Variants in ZNF536 observed in about 807,000 individuals in gnomAD.
ZNF536 encodes zinc finger protein 536.
ZNF536 carries 13 observed loss-of-function variants against 84.5 expected under a neutral mutation model. The observed-to-expected ratio is 0.15, with a 90% CI of 0.10 to 0.24. ZNF536 has a LOEUF of 0.24. Ranked by LOEUF, ZNF536 falls within the 10% of genes least tolerant of loss-of-function variation. The pLI is 1.00. For missense variants in ZNF536, 1,536 were observed against 1,747.5 expected (o/e 0.88, Z 2.16); for synonymous variants, 811 against 742.5 (o/e 1.09, Z -1.50).
exon 2 of ZNF536, chr19:30,712,725 A>G (rs1366992521): frequency 1.3e-5 from 2 of 152,166 alleles, no homozygotes; most frequent in Non-Finnish European, 2.9e-5. Context: ...TTTCTAGTAT[A>G]GTTCTCACTG....
rs2050913587 is a variant in ZNF536, at chr19:30,680,258, T to TATTTTATTTC, written c.170-30496_170-30495insTTATTTCATT. 5.3e-5 allele frequency among the ~76,000 whole-genome samples: 8 copies of TATTTTATTTC among 151,652 alleles called. No individual in the cohort carries two copies. The South Asian group carries it at 1.7e-3, about 32-fold the overall frequency. On this transcript the variant is annotated intron_variant, in intron 1 of 1. Coordinates refer to the ZNF536 transcript ENST00000592773. The stretch of plus-strand genomic sequence containing the variant: ...ATTTTTATTTTATTTTATTTTATTT[T>TATTTTATTTC]ATTATTATTATACTTTAAGTTTTAG...
chr19:30,604,600 A>G (rs533725870), intron 1 of ZNF536, among the ~76,000 whole-genome samples: 1 of 152,332 alleles, frequency 6.6e-6, no homozygotes, highest in East Asian at 1.9e-4. Flanking sequence ...CTAACTGGTC[A>G]CCACAAAGGC....
intron 2 of ZNF536, among the ~76,000 whole-genome samples, chr19:30,322,563 C>G (rs576389217): frequency 1.3e-5 from 2 of 152,290 alleles, no homozygotes; most frequent in East Asian, 1.9e-4. Flanking sequence ...ATCCTGCCCC[C>G]CTGGCCAGGC....
intron 1 of ZNF536, among the ~76,000 whole-genome samples, chr19:30,229,402 AT>A (rs2022842798): frequency 1.3e-5 from 2 of 152,176 alleles, no homozygotes; most frequent in Non-Finnish European, 2.9e-5. Flanking sequence ...AGTGTCTCAA[AT>A]TTTATTGAAA....
chr19:30,587,947 C>T (rs77496585), intron 1 of ZNF536, among the ~76,000 whole-genome samples: 4,085 of 152,356 alleles, frequency 0.027, 51 homozygotes, highest in African/African-American at 0.036. Context: ...TGTTTACTAA[C>T]GTCTTGCAAT....
chr19:30,408,761 CCATCTATCCTTCCATCTATTCATA>C (rs1168984176), intron 1 of ZNF536, among the ~76,000 whole-genome samples: 3 of 152,188 alleles, frequency 2.0e-5, no homozygotes, highest in African/African-American at 7.2e-5. Context: ...CATCATCCAT[CCATCTATCCTTCCATCTATTCATA>C]CATCTATCCT....
At chr19:30,570,091 T>C (rs1599842797) in intron 1 of ZNF536, among the ~76,000 whole-genome samples, 1 of 152,062 alleles carries the variant, frequency 6.6e-6, no homozygotes, top group Non-Finnish European at 1.5e-5. Flanking sequence ...TCCCCAGATA[T>C]CAGTAGCAAT....
intron 3 of ZNF536, among the ~76,000 whole-genome samples, chr19:30,358,877 T>G (rs1210650953): frequency 1.3e-5 from 2 of 152,214 alleles, no homozygotes; most frequent in Non-Finnish European, 2.9e-5. Context: ...TGCTCCTGAA[T>G]GTGTTCCTAT....
At chr19:30,255,375 C>T (rs544538619) in intron 1 of ZNF536, among the ~76,000 whole-genome samples, 18 of 152,158 alleles carry the variant, frequency 1.2e-4, no homozygotes, top group Admixed American at 5.9e-4. Flanking sequence ...CATGACCCTG[C>T]GAGAGTGGAC....
At chr19:30,397,266 T>C (rs1460213102) in intron 1 of ZNF536, among the ~76,000 whole-genome samples, 1 of 152,206 alleles carries the variant, frequency 6.6e-6, no homozygotes, top group Non-Finnish European at 1.5e-5. Context: ...GGAAAGACTC[T>C]CTCTGGCATG....
Position 30,425,240 on chromosome 19 carries a change from G to GA in ZNF536, c.-2-18310dup, listed in dbSNP as rs202028118. Among the ~76,000 whole-genome samples, 1,150 of 146,124 alleles carry GA rather than the reference G, an allele frequency of 7.9e-3. 12 individuals are homozygous for GA. The highest frequency in any genetic ancestry group is 0.01 in the Non-Finnish European group (692 of 66,162). On this transcript the variant is annotated intron_variant, in intron 1 of 4. Transcript: ENST00000355537. ...CCACGTGTTCCCCAAAAACATGTTG[G>GA]AAAAAAAAAAACAAAGATGGGAGTG...
chr19:30,604,691 A>G (rs1032622830), intron 1 of ZNF536, among the ~76,000 whole-genome samples: 4 of 152,242 alleles, frequency 2.6e-5, no homozygotes, highest in African/African-American at 9.6e-5. Context: ...TTGTCAACAA[A>G]TTGAGTTTGT....
intron 2 of ZNF536, among the ~76,000 whole-genome samples, chr19:30,512,822 T>C (rs1473697568): frequency 6.6e-6 from 1 of 152,212 alleles, no homozygotes; most frequent in Non-Finnish European, 1.5e-5. Context: ...TTTCTAGCAA[T>C]CTATAGAATG....
chr19:30,446,438 G>C (rs994313126), intron 2 of ZNF536, among the ~76,000 whole-genome samples: 1 of 151,988 alleles, frequency 6.6e-6, no homozygotes, highest in Non-Finnish European at 1.5e-5. Context: ...CTGGCATTCT[G>C]CTCTATCCCT....
chr19:30,480,629 T>A (rs966202731), intron 2 of ZNF536, among the ~76,000 whole-genome samples: 1 of 152,144 alleles, frequency 6.6e-6, no homozygotes, highest in Non-Finnish European at 1.5e-5. Flanking sequence ...GACGGATTGA[T>A]AGGTGCAGCA....
intron 2 of ZNF536, among the ~76,000 whole-genome samples, chr19:30,454,308 C>G (rs2052740396): frequency 6.6e-6 from 1 of 152,192 alleles, no homozygotes; most frequent in Non-Finnish European, 1.5e-5. Context: ...CGCCACAGTG[C>G]TCTCTTCTCT....
At chr19:30,502,755 C>G (rs1177452986) in intron 2 of ZNF536, among the ~76,000 whole-genome samples, 1 of 152,144 alleles carries the variant, frequency 6.6e-6, no homozygotes, top group South Asian at 2.1e-4. Context: ...GGGTGTCACA[C>G]AGCAAGGGAG....
At chr19:30,531,354 T>C (rs925366176) in intron 2 of ZNF536, among the ~76,000 whole-genome samples, 8 of 152,136 alleles carry the variant, frequency 5.3e-5, no homozygotes, top group Non-Finnish European at 1.0e-4. Flanking sequence ...TCGCTATTTT[T>C]ATCTGTAATG....
intron 1 of ZNF536, among the ~76,000 whole-genome samples, chr19:30,381,361 T>C (rs1226670059): frequency 6.6e-6 from 1 of 152,180 alleles, no homozygotes; most frequent in Non-Finnish European, 1.5e-5. Context: ...GGCTACACAG[T>C]CACCTCATAC....
Sources: gnomAD v4.1 joint callset for allele counts (sites outside exome capture counted in the v4.1 genomes callset) on GRCh38, gnomAD v4.1.1 for gene constraint, MANE v1.5 for transcripts, NCBI Gene and HGNC (gene_info 2026-07-23, HGNC 2026-07-21) for gene names.